The following SLIT3 variants were observed in gnomAD, a reference collection of about 807,000 sequenced individuals.
The protein encoded by SLIT3 is slit guidance ligand 3, also known as slit homolog 3 protein.
A neutral mutation model predicts 184.0 loss-of-function variants in SLIT3; 68 were observed. The ratio of observed to expected loss-of-function variants is 0.37; its 90% confidence interval spans 0.30 to 0.45. SLIT3 has a LOEUF of 0.45. Among genes scored for constraint, SLIT3 ranks in the 20% least tolerant of loss-of-function variants. The pLI is 1.00. For synonymous variants in SLIT3, 831 were observed against 828.6 expected, an observed-to-expected ratio of 1.00 and a Z score of -0.05; for missense variants, 1,707 against 2,026.0, an observed-to-expected ratio of 0.84 and a Z score of 3.02.
chr5:169,110,543 C>G (rs1201152079), intron 4 of SLIT3, among the ~76,000 whole-genome samples: 1 of 152,148 alleles, frequency 6.6e-6, no homozygotes, highest in African/African-American at 2.4e-5. Flanking sequence ...TTATGCATGT[C>G]TGTCTCTGTG....
rs5873142 is a variant in SLIT3 at position 169,032,599 on chromosome 5, G to GT, written c.414-149264dup. ...AGATTCCCCTCCATGTTTTAGTTTC[G>GT]TTTTTTTTTTTTTCAGTGTAAAGAA... On this transcript the variant is annotated intron_variant, in intron 4 of 35. Coordinates refer to ENST00000519560, the MANE Select transcript of SLIT3 (RefSeq NM_003062.4). 7.4e-3 allele frequency among the ~76,000 whole-genome samples: 815 copies of GT among 110,248 alleles called. 6 individuals are homozygous for GT. The highest frequency in any genetic ancestry group is 0.031 in the East Asian group (143 of 4,586). 72.3% of individuals were successfully genotyped at this position (110,248 alleles called of 152,430 possible). A position where few individuals can be genotyped will look rare whatever the true frequency, so the allele number is the denominator to read the frequency against.
intron 6 of SLIT3, among the ~76,000 whole-genome samples, chr5:168,826,058 G>A (rs1757694563): frequency 1.3e-5 from 2 of 152,166 alleles, no homozygotes; most frequent in South Asian, 4.1e-4. Flanking sequence ...AACATCAGGT[G>A]GAGTTCACAG....
At chr5:169,180,823 C>G (rs1231075890) in intron 4 of SLIT3, among the ~76,000 whole-genome samples, 2 of 152,192 alleles carry the variant, frequency 1.3e-5, no homozygotes, top group African/African-American at 4.8e-5. Flanking sequence ...AGCAATGGAA[C>G]CCCTAACAAT....
intron 4 of SLIT3, among the ~76,000 whole-genome samples, chr5:168,886,885 A>G (rs1760237966): frequency 6.6e-6 from 1 of 152,194 alleles, no homozygotes. Flanking sequence ...CAAAAACACA[A>G]GACCAAAGAG....
intron 9 of SLIT3, among the ~76,000 whole-genome samples, chr5:168,796,999 T>C (rs1756585939): frequency 6.6e-6 from 1 of 151,306 alleles, no homozygotes; most frequent in South Asian, 2.1e-4. Context: ...GCCGGATGAA[T>C]AGAGTCTACA....
At chr5:168,786,491 C>A (rs1561932317) in intron 11 of SLIT3, among the ~76,000 whole-genome samples, 1 of 152,190 alleles carries the variant, frequency 6.6e-6, no homozygotes, top group African/African-American at 2.4e-5. Context: ...GGTGCAGGGA[C>A]TGCTGAGTCA....
intron 23 of SLIT3, among the ~76,000 whole-genome samples, chr5:168,714,059 G>T (rs1028875000): frequency 1.3e-5 from 2 of 152,270 alleles, no homozygotes; most frequent in East Asian, 1.9e-4. Context: ...GAAATTCTCA[G>T]GGTGAAAGTG....
At chr5:169,205,914 A>G (rs1764052536) in intron 3 of SLIT3, among the ~76,000 whole-genome samples, 1 of 152,356 alleles carries the variant, frequency 6.6e-6, no homozygotes, top group East Asian at 1.9e-4. Context: ...GGCTCATGCC[A>G]GCAGTTCTGT....
intron 12 of SLIT3, among the ~76,000 whole-genome samples, chr5:168,775,223 A>G (rs553245591): frequency 8.6e-5 from 13 of 151,792 alleles, no homozygotes; most frequent in Non-Finnish European, 1.5e-4. Context: ...TTTTTAGTAG[A>G]GACGGGGTTT....
chr5:168,988,394 C>T (rs1755205682), intron 4 of SLIT3, among the ~76,000 whole-genome samples: 1 of 152,138 alleles, frequency 6.6e-6, no homozygotes, highest in Non-Finnish European at 1.5e-5. Context: ...AGACAACACT[C>T]AGATCCTGCA....
Position 168,814,762 on chromosome 5 carries a change from G to A in SLIT3, c.793+2538C>T, listed in dbSNP as rs142029686. On this transcript the variant is annotated intron_variant, in intron 8 of 35. Transcript: ENST00000519560. Reference sequence around the variant, plus strand: ...GTTTTTGCAATTGAAAGTAATGGCAGAAACCACAATTATTTTTGCACCCAC... The same window carrying A: ...GTTTTTGCAATTGAAAGTAATGGCAAAAACCACAATTATTTTTGCACCCAC... Among the ~76,000 whole-genome samples the A allele has an allele frequency of 3.0e-3, 457 of 152,354 alleles. 1 individual carries two copies. The highest frequency in any genetic ancestry group is 0.01 in the Middle Eastern group (3 of 294).
chr5:168,802,000 G>A (rs1258025159), intron 9 of SLIT3, among the ~76,000 whole-genome samples: 1 of 152,010 alleles, frequency 6.6e-6, no homozygotes, highest in Non-Finnish European at 1.5e-5. Flanking sequence ...CCCCACCCAA[G>A]GTTAAGGCAA....
At chr5:169,236,336 A>AT (rs1373271942) in intron 3 of SLIT3, among the ~76,000 whole-genome samples, 6 of 151,980 alleles carry the variant, frequency 3.9e-5, no homozygotes, top group African/African-American at 1.5e-4. Context: ...AGAATAAACC[A>AT]TTTTTCCAAG....
chr5:168,749,571 T>C lies in SLIT3; in HGVS notation c.2038A>G (p.Lys680Glu). 6.2e-7 allele frequency: 1 copy of C among 1,614,190 alleles called. No homozygotes were observed. The highest frequency in any genetic ancestry group is 8.5e-7 in the Non-Finnish European group (1 of 1,180,024). Reference sequence around the variant, plus strand: ...GGGTTCCCACTGACGATCCGCCTCTTCCTCAACCACTTGCCGAGCCAGGCC... The same window carrying C: ...GGGTTCCCACTGACGATCCGCCTCTCCCTCAACCACTTGCCGAGCCAGGCC... ...HLAWLGKWLRKRRIVSGNPRC... is the reference protein window; with the variant it reads ...HLAWLGKWLRERRIVSGNPRC... The change falls in exon 19 of 36, where the codon AAG becomes GAG. Residue 680 changes from lysine to glutamate, a missense_variant. By Grantham distance (56) the Lys-to-Glu change is moderately conservative (BLOSUM62 1). This residue lies in a region of SLIT3 where 1,307 missense variants were observed against 1,511.6 expected (regional missense o/e 0.86). Transcript: ENST00000519560.
At chr5:168,913,173 T>C (rs1307883532) in intron 4 of SLIT3, among the ~76,000 whole-genome samples, 1 of 151,800 alleles carries the variant, frequency 6.6e-6, no homozygotes, top group African/African-American at 2.4e-5. Context: ...CTAATTGCAG[T>C]TTTTGCCATT....
At chr5:168,859,814 G>A (rs1759037656) in intron 5 of SLIT3, among the ~76,000 whole-genome samples, 1 of 152,164 alleles carries the variant, frequency 6.6e-6, no homozygotes, top group South Asian at 2.1e-4. Flanking sequence ...GGGAGTGGGA[G>A]TAGGATGGGG....
At chr5:168,784,395 C>G (rs958334048) in intron 12 of SLIT3, among the ~76,000 whole-genome samples, 10 of 152,192 alleles carry the variant, frequency 6.6e-5, no homozygotes, top group Non-Finnish European at 1.5e-4. Flanking sequence ...CAGACACACA[C>G]AGAGTGGGGC....
At chr5:169,147,605 G>A (rs1013484179) in intron 4 of SLIT3, among the ~76,000 whole-genome samples, 9 of 152,298 alleles carry the variant, frequency 5.9e-5, no homozygotes, top group African/African-American at 9.6e-5. Context: ...CACTATCCAC[G>A]AGGTTAGGTG....
At chr5:168,888,436 C>A (rs13171090) in intron 4 of SLIT3, among the ~76,000 whole-genome samples, 53,916 of 152,176 alleles carry the variant, frequency 0.35, 10,243 homozygotes, top group East Asian at 0.61. Context: ...GGTGATAGGA[C>A]CCAGTAGCAA....
Sources: allele counts gnomAD v4.1 joint callset (sites outside exome capture counted in the v4.1 genomes callset), GRCh38; gene constraint gnomAD v4.1.1; regional missense constraint gnomAD v4.1.1; transcripts MANE v1.5; gene names NCBI Gene and HGNC (gene_info 2026-07-23, HGNC 2026-07-21).